The following NECAP1 variants were observed in gnomAD, a reference collection of about 807,000 sequenced individuals.
NECAP1 encodes adaptin ear-binding coat-associated protein 1.
A neutral mutation model predicts 33.4 loss-of-function variants in NECAP1; 13 were observed. The ratio of observed to expected loss-of-function variants is 0.39; its 90% CI spans 0.25 to 0.62. The LOEUF is 0.62. Among genes scored for constraint, NECAP1 ranks in the 20% least tolerant of loss-of-function variants. The pLI, the probability that NECAP1 is intolerant of heterozygous loss-of-function variation, is 0.52. For missense variants in NECAP1, 272 were observed against 347.4 expected (o/e 0.78, Z 1.73); for synonymous variants, 109 against 125.2 (o/e 0.87, Z 0.86).
intron 4 of NECAP1, 65 bp from the exon 5 acceptor site, chr12:8,092,611 A>G (rs1947560034): frequency 4.0e-6 from 5 of 1,248,496 alleles, no homozygotes; most frequent in South Asian, 2.8e-5. Context: ...AATACACCCA[A>G]ATTTGTATGT....
At chr12:8,094,135 C>G (rs989963813) in intron 6 of NECAP1, among the ~76,000 whole-genome samples, 1 of 152,126 alleles carries the variant, frequency 6.6e-6, no homozygotes, top group South Asian at 2.1e-4. Flanking sequence ...CTTTCTCTTT[C>G]TGGAATTTTT....
chr12:8,092,958 C>T lies in NECAP1; in HGVS notation c.579C>T (p.Gly193=). 6.2e-7 allele frequency: 1 copy of T among 1,608,958 alleles called. No homozygotes were observed. Among genetic ancestry groups the T allele is most frequent in the East Asian group, 2.2e-5 (1 of 44,788 alleles). The change falls in exon 6 of 8, where the codon GGC becomes GGT. Residue 193 remains glycine, a synonymous_variant. Transcript: ENST00000339754. The part of the protein sequence containing the change: ...GLSLLPPPPG[G]KVTIPPPSSS... ...GCTTACTCCCACCCCCGCCAGGAGGCAAAGTCACTATTCCCCCACCATCCT... is the reference window on the plus strand; with the variant it reads ...GCTTACTCCCACCCCCGCCAGGAGGTAAAGTCACTATTCCCCCACCATCCT...
At chr12:8,084,052 T>C (rs1471904404) in intron 1 of NECAP1, among the ~76,000 whole-genome samples, 15 of 152,128 alleles carry the variant, frequency 9.9e-5, no homozygotes, top group Admixed American at 7.2e-4. Flanking sequence ...AAGATACTGT[T>C]CTTATTCTTC....
chr12:8,085,305 AC>A (rs141176606), intron 1 of NECAP1, among the ~76,000 whole-genome samples: 8,279 of 152,328 alleles, frequency 0.054, 317 homozygotes, highest in Middle Eastern at 0.14. Context: ...GGCGTGAGCC[AC>A]CGCACCCGGC....
chr12:8,092,601 A>G, intron 4 of NECAP1, 75 bp from the exon 5 acceptor site: 1 of 1,087,726 alleles, frequency 9.2e-7, no homozygotes, highest in East Asian at 2.5e-5. Flanking sequence ...CATAAAAGTA[A>G]ATACACCCAA....
intron 1 of NECAP1, among the ~76,000 whole-genome samples, chr12:8,083,157 C>T (rs770937854): frequency 7.9e-5 from 12 of 152,038 alleles, no homozygotes; most frequent in Non-Finnish European, 1.6e-4. Flanking sequence ...AATCCAATGA[C>T]TGTGAGGTTC....
rs533399586 is a variant in NECAP1, at chr12:8,092,277, T to C, written c.384-399T>C. The C allele has an allele frequency of 1.7e-4, 45 of 262,808 alleles. No individual in the cohort carries two copies. In the South Asian group the frequency reaches 1.8e-3, roughly 11 times the overall value. The allele number at this position is 262,808 out of a possible 1,614,324, so 16.3% of individuals were successfully genotyped here. Reference sequence around the variant, plus strand: ...TGACAGCACTGTGCACACTGTCAGCTTCCTACCTCAAGAGCAAGCATATCT... The same window carrying C: ...TGACAGCACTGTGCACACTGTCAGCCTCCTACCTCAAGAGCAAGCATATCT... On this transcript the variant is annotated intron_variant, in intron 4 of 7. Transcript: ENST00000339754.
intron 6 of NECAP1, among the ~76,000 whole-genome samples, chr12:8,094,459 C>A (rs967144441): frequency 1.3e-5 from 2 of 151,696 alleles, no homozygotes; most frequent in South Asian, 2.1e-4. Context: ...ATATTTAGTT[C>A]TATGCAGGAT....
chr12:8,085,261 G>A (rs975798441), intron 1 of NECAP1, among the ~76,000 whole-genome samples: 3 of 152,038 alleles, frequency 2.0e-5, no homozygotes, highest in Non-Finnish European at 4.4e-5. Context: ...CTCGTGATCC[G>A]CCTGCCTTGG....
intron 4 of NECAP1, 50 bp from the exon 5 acceptor site, chr12:8,092,626 C>T: frequency 7.0e-7 from 1 of 1,420,174 alleles, no homozygotes. Context: ...GTATGTCAGA[C>T]TCTGCTTTCA....
intron 4 of NECAP1, 68 bp downstream of exon 4, chr12:8,091,918 G>C: frequency 7.7e-7 from 1 of 1,293,822 alleles, no homozygotes; most frequent in Admixed American, 1.9e-5. Context: ...ACATGAATGG[G>C]CAGTATCTCT....
In NECAP1 at chr12:8,096,732, T is replaced by A. The variant is rs944138746; in HGVS notation, c.*642T>A. 1 of 152,698 alleles carries A rather than the reference T, an allele frequency of 6.5e-6. No homozygotes were observed. Among genetic ancestry groups the A allele is most frequent in the East Asian group, 1.9e-4 (1 of 5,206 alleles). The allele number at this position is 152,698 out of a possible 1,614,324, so 9.5% of individuals were successfully genotyped here. A position where few individuals can be genotyped will look rare whatever the true frequency, so the allele number is the denominator to read the frequency against. Reference sequence around the variant, plus strand: ...TGTGTTTACATGTCTCTTTCTATGATAAGAGGGTTGTGTTGGTGGCACCTC... The same window carrying A: ...TGTGTTTACATGTCTCTTTCTATGAAAAGAGGGTTGTGTTGGTGGCACCTC... On this transcript the variant is annotated 3_prime_UTR_variant, in exon 8 of 8. Coordinates refer to ENST00000339754, the MANE Select transcript of NECAP1 (RefSeq NM_015509.4).
intron 1 of NECAP1, among the ~76,000 whole-genome samples, chr12:8,083,269 G>A (rs773389180): frequency 7.3e-5 from 11 of 151,376 alleles, no homozygotes; most frequent in African/African-American, 2.4e-4. Context: ...TTTCTCATCT[G>A]TAAAATAGAA....
intron 1 of NECAP1, among the ~76,000 whole-genome samples, chr12:8,082,609 C>T (rs1214777761): frequency 1.3e-5 from 2 of 151,478 alleles, no homozygotes; most frequent in African/African-American, 4.9e-5. Context: ...TATTAAATTA[C>T]CACTCTGCGT....
At chr12:8,089,912 A>G (rs770812310) in intron 1 of NECAP1, 24 bp from the exon 2 acceptor site, 1 of 1,571,688 alleles carries the variant, frequency 6.4e-7, no homozygotes, top group East Asian at 2.2e-5. Flanking sequence ...CATGTGCCTG[A>G]GGCTTCCTCT....
chr12:8,093,146 T>TTTCATA, intron 6 of NECAP1, 91 bp downstream of exon 6: 5 of 1,312,900 alleles, frequency 3.8e-6, no homozygotes, highest in Non-Finnish European at 5.4e-6. Flanking sequence ...GTTTTTGCTA[T>TTTCATA]GAAATAGCTC....
intron 1 of NECAP1, among the ~76,000 whole-genome samples, chr12:8,087,767 G>A (rs1947505452): frequency 6.6e-6 from 1 of 152,066 alleles, no homozygotes; most frequent in African/African-American, 2.4e-5. Context: ...TAATATAATA[G>A]ATGAGGAACT....
In NECAP1 at chr12:8,096,471, C is replaced by A; in HGVS notation, c.*381C>A. 6.1e-6 allele frequency: 1 copy of A among 164,482 alleles called. No individual in the cohort carries two copies. The highest frequency in any genetic ancestry group is 1.9e-4 in the South Asian group (1 of 5,190). 10.2% of individuals were successfully genotyped at this position (164,482 alleles called of 1,614,324 possible). On this transcript the variant is annotated 3_prime_UTR_variant, in exon 8 of 8. Coordinates refer to ENST00000339754, the MANE Select transcript of NECAP1 (RefSeq NM_015509.4). ...AAAATCATCTCATGACCCTTGTGTGCCTCTTTGTGAAGCCCTATTTAGCAA... is the reference window on the plus strand; with the variant it reads ...AAAATCATCTCATGACCCTTGTGTGACTCTTTGTGAAGCCCTATTTAGCAA...
intron 1 of NECAP1, 104 bp from the exon 2 acceptor site, chr12:8,089,832 A>T: frequency 1.2e-6 from 1 of 842,274 alleles, no homozygotes. Flanking sequence ...AGGTAGAAAG[A>T]ATAGGCAATC....
Sources: gnomAD v4.1 joint callset for allele counts (sites outside exome capture counted in the v4.1 genomes callset) on GRCh38, gnomAD v4.1.1 for gene constraint, MANE v1.5 for transcripts, NCBI Gene and HGNC (gene_info 2026-07-23, HGNC 2026-07-21) for gene names.